Variants in SOX5 observed in about 807,000 individuals in gnomAD.
The protein encoded by SOX5 is SRY-box transcription factor 5.
A neutral mutation model predicts 92.0 loss-of-function variants in SOX5; 9 were observed. That is an observed-to-expected ratio of 0.10 (90% CI 0.06 to 0.17). SOX5 has a LOEUF of 0.17. Among genes scored for constraint, SOX5 ranks in the 10% least tolerant of loss-of-function variants. SOX5 has a pLI of 1.00. For synonymous variants in SOX5, 344 were observed against 336.3 expected, an observed-to-expected ratio of 1.02 and a Z score of -0.25; for missense variants, 642 against 944.5, an observed-to-expected ratio of 0.68 and a Z score of 4.20.
chr12:24,217,425 G>T (rs1188749755), intron 3 of SOX5, among the ~76,000 whole-genome samples: 1 of 152,128 alleles, frequency 6.6e-6, no homozygotes, highest in East Asian at 1.9e-4. Flanking sequence ...ATTATTCTGG[G>T]ATAACAAAAT....
chr12:24,213,419 T>TAAAAAAAAAAAAAAAAAAAAAAAAAGA (rs67296842), intron 3 of SOX5: 7 of 96,860 alleles, frequency 7.2e-5, no homozygotes, highest in Non-Finnish European at 1.0e-4. Context: ...CTTGAAATGC[T>TAAAAAAAAAAAAAAAAAAAAAAAAAGA]AAAAAAAAAA....
chr12:23,704,241 C>T (rs2091062958), intron 6 of SOX5, among the ~76,000 whole-genome samples: 1 of 151,624 alleles, frequency 6.6e-6, no homozygotes, highest in Admixed American at 6.6e-5. Flanking sequence ...TAATTATTAT[C>T]TATGCTCACA....
chr12:24,424,807 TTGG>T lies in SOX5; in HGVS notation c.-250-56171_-250-56169del, dbSNP rs1296644543. ...GCTCTTTTCTTTGTGAGTTTTTTTT[TTGG>T]GGGGGGGGGATGGCTGTTTTTCCCC... On this transcript the variant is annotated intron_variant, in intron 1 of 4. Transcript: ENST00000446891. Among the ~76,000 whole-genome samples the T allele has an allele frequency of 5.0e-3, 662 of 131,222 alleles. 19 individuals carry two copies. Among genetic ancestry groups the T allele is most frequent in the African/African-American group, 0.018 (620 of 34,604 alleles). The allele number at this position is 131,222 out of a possible 152,430, so 86.1% of individuals were successfully genotyped here.
intron 4 of SOX5, among the ~76,000 whole-genome samples, chr12:24,139,355 A>G (rs1950368893): frequency 1.3e-5 from 2 of 152,200 alleles, no homozygotes; most frequent in Admixed American, 1.3e-4. Flanking sequence ...CATGATCATA[A>G]CAGTCGTGGG....
chr12:24,498,993 G>A (rs977727546), intron 1 of SOX5, among the ~76,000 whole-genome samples: 2 of 152,120 alleles, frequency 1.3e-5, no homozygotes, highest in Non-Finnish European at 2.9e-5. Context: ...TTCAAGTGAT[G>A]GTGTAATACT....
intron 11 of SOX5, among the ~76,000 whole-genome samples, chr12:23,559,103 G>A (rs1945754983): frequency 6.6e-6 from 1 of 152,124 alleles, no homozygotes; most frequent in Non-Finnish European, 1.5e-5. Flanking sequence ...TGTCTGGTGG[G>A]ATCAGGACAA....
chr12:23,628,347 G>C (rs1256905943), intron 8 of SOX5, among the ~76,000 whole-genome samples: 1 of 152,022 alleles, frequency 6.6e-6, no homozygotes, highest in Non-Finnish European at 1.5e-5. Context: ...AATTGTCTCT[G>C]TTACCTTAAG....
intron 3 of SOX5, among the ~76,000 whole-genome samples, chr12:24,269,503 T>C (rs1242958753): frequency 6.6e-6 from 1 of 152,136 alleles, no homozygotes; most frequent in East Asian, 1.9e-4. Context: ...ATTCAGCATA[T>C]AATATGGTGT....
At chr12:23,606,816 T>C (rs1486995877) in intron 8 of SOX5, among the ~76,000 whole-genome samples, 1 of 152,070 alleles carries the variant, frequency 6.6e-6, no homozygotes, top group Non-Finnish European at 1.5e-5. Flanking sequence ...GGAATTAAGG[T>C]GTATCTGAGT....
At chr12:24,458,829 C>T (rs1943306176) in intron 1 of SOX5, among the ~76,000 whole-genome samples, 1 of 152,126 alleles carries the variant, frequency 6.6e-6, no homozygotes, top group African/African-American at 2.4e-5. Context: ...TAAATGGAGC[C>T]ATGTTTATGA....
intron 10 of SOX5, among the ~76,000 whole-genome samples, chr12:23,566,320 T>C (rs1232120256): frequency 6.6e-6 from 1 of 152,224 alleles, no homozygotes; most frequent in Admixed American, 6.5e-5. Context: ...TATCTCATAA[T>C]CTCCCATTCC....
At position 24,094,093 on chromosome 12, in the gene SOX5, C is replaced by G. The variant is rs758005879; in HGVS notation, c.-2+119250G>C. ...TCCTGAGTAGCTGGGATTACAGGCG[C>G]CCGCCACCATGCCCGGCTAATTTTT... is the stretch of plus-strand genomic sequence containing the variant. On this transcript the variant is annotated intron_variant, in intron 4 of 4. Transcript: ENST00000446891. Among the ~76,000 whole-genome samples, 6 of 152,098 alleles carry G rather than the reference C, an allele frequency of 3.9e-5. No homozygotes were observed. In the South Asian group the frequency reaches 1.2e-3, roughly 32 times the overall value.
intron 4 of SOX5, among the ~76,000 whole-genome samples, chr12:24,088,459 G>A (rs909284895): frequency 1.3e-5 from 2 of 151,832 alleles, no homozygotes; most frequent in African/African-American, 2.4e-5. Context: ...CTCTGCACAC[G>A]CACCTTTTCA....
chr12:24,338,785 C>A (rs1952213228), intron 2 of SOX5, among the ~76,000 whole-genome samples: 1 of 152,158 alleles, frequency 6.6e-6, no homozygotes, highest in South Asian at 2.1e-4. Flanking sequence ...CCTGTACACG[C>A]TCTCTTGCCT....
At chr12:23,762,728 A>G in intron 3 of SOX5, 1 of 427,062 alleles carries the variant, frequency 2.3e-6, no homozygotes, top group Non-Finnish European at 4.1e-6. Flanking sequence ...TTCTTGTTGC[A>G]TCAGCTGAAC....
chr12:23,981,675 T>G (rs914871289), intron 4 of SOX5, among the ~76,000 whole-genome samples: 1 of 152,208 alleles, frequency 6.6e-6, no homozygotes, highest in East Asian at 1.9e-4. Context: ...AAATATTGGA[T>G]GACATTTGCC....
chr12:24,307,515 A>AAGGAAGGCAGGC (rs1323785027), intron 2 of SOX5, among the ~76,000 whole-genome samples: 1 of 24,450 alleles, frequency 4.1e-5, no homozygotes, highest in African/African-American at 8.3e-5. Context: ...GGAAGGAAGG[A>AAGGAAGGCAGGC]AGGCCGGCCC....
At chr12:23,657,696 A>C (rs1431930210) in intron 7 of SOX5, among the ~76,000 whole-genome samples, 3 of 152,192 alleles carry the variant, frequency 2.0e-5, no homozygotes, top group African/African-American at 7.2e-5. Context: ...CAAAAATAAA[A>C]ACTTAGAAGT....
intron 3 of SOX5, among the ~76,000 whole-genome samples, chr12:23,785,912 T>C (rs2095369232): frequency 6.6e-6 from 1 of 152,082 alleles, no homozygotes; most frequent in East Asian, 1.9e-4. Flanking sequence ...AATTAAAAAT[T>C]TTTTTCCTCT....
Sources: gnomAD v4.1 joint callset for allele counts (sites outside exome capture counted in the v4.1 genomes callset) on GRCh38, gnomAD v4.1.1 for gene constraint, MANE v1.5 for transcripts, NCBI Gene and HGNC (gene_info 2026-07-23, HGNC 2026-07-21) for gene names.